The following REXO4 variants were observed in gnomAD, a reference collection of about 807,000 sequenced individuals.
REXO4 encodes RNA exonuclease 4, also known as REX4 homolog, 3'-5' exonuclease.
A neutral mutation model predicts 39.9 loss-of-function variants in REXO4; 29 were observed. That is an observed-to-expected ratio of 0.73 (90% CI 0.54 to 0.99). REXO4 has a LOEUF of 0.99. Among genes scored for constraint, REXO4 ranks in the 50% least tolerant of loss-of-function variants. The pLI is 0.00. For missense variants in REXO4, 524 were observed against 546.5 expected (o/e 0.96, Z 0.41); for synonymous variants, 184 against 206.2 (o/e 0.89, Z 0.92).
chr9:133,407,192 ACC>A, intron 7 of REXO4, 120 bp from the exon 8 acceptor site: 2 of 1,493,178 alleles, frequency 1.3e-6, no homozygotes, highest in Non-Finnish European at 1.8e-6. Flanking sequence ...TGAGACATGG[ACC>A]TGGCCACGAG....
At chr9:133,415,779 G>A (rs1044512654) in intron 1 of REXO4, 1 of 152,218 alleles carries the variant, frequency 6.6e-6, no homozygotes, top group Non-Finnish European at 1.5e-5. Flanking sequence ...TTTCTTTCTT[G>A]GGAGAAGGAA....
intron 7 of REXO4, 119 bp downstream of exon 7, chr9:133,407,688 C>G: frequency 1.5e-6 from 1 of 665,394 alleles, no homozygotes; most frequent in Non-Finnish European, 2.5e-6. Context: ...CCAATAGCCT[C>G]GTAGGATAAG....
In REXO4 at chr9:133,406,687, C is replaced by T. The variant is rs1838893638; in HGVS notation, c.*266G>A. On this transcript the variant is annotated 3_prime_UTR_variant, in exon 8 of 8. Coordinates refer to ENST00000371942, the MANE Select transcript of REXO4 (RefSeq NM_020385.4). ...TCACCTGGCCCAGGGGGTCAGCAGT[C>T]GGTAAAGCGTGGCCAGGCGTGCCCA... 2 of 494,826 alleles carry T rather than the reference C, an allele frequency of 4.0e-6. No homozygotes were observed. Among genetic ancestry groups the T allele is most frequent in the Non-Finnish European group, 3.7e-6 (1 of 272,416 alleles). 30.7% of individuals were successfully genotyped at this position (494,826 alleles called of 1,614,324 possible).
chr9:133,408,934 TTGTGTGTGTGTGTGTGTGTG>T (rs71503345), intron 5 of REXO4, 92 bp from the exon 6 acceptor site: 89 of 321,980 alleles, frequency 2.8e-4, no homozygotes, highest in Middle Eastern at 7.5e-4. Context: ...AGTAACATCT[TTGTGTGTGTGTGTGTGTGTG>T]TGTGTGTGTG....
chr9:133,417,700 G>C lies in REXO4; in HGVS notation c.145C>G (p.Pro49Ala), dbSNP rs1752317585. ...KSKAREVSKK[P>A]ASGPGAVVRP... ...ACCACAGCACCGGGGCCGCTTGCTG[G>C]CTTCTTGCTTACTTCCCGCGCCTTG... The change falls in exon 1 of 8, where the codon CCA (proline) becomes GCA (alanine). Residue 49 changes from proline (P) to alanine (A), a missense_variant. Pro to Ala is a conservative substitution (Grantham distance 27). Transcript: ENST00000371942. The C allele has an allele frequency of 6.2e-7, 1 of 1,614,118 alleles. No homozygotes were observed. Among genetic ancestry groups the C allele is most frequent in the Admixed American group, 1.7e-5 (1 of 60,022 alleles).
chr9:133,412,400 TG>T lies in REXO4; in HGVS notation c.808del (p.Gln270SerfsTer17). The T allele has an allele frequency of 6.2e-7, 1 of 1,614,148 alleles. No individual in the cohort carries two copies. On this transcript the variant is annotated frameshift_variant, in exon 4 of 8. Transcript: ENST00000371942. LOFTEE classifies it high-confidence loss of function. Reference sequence around the variant, plus strand: ...CTTGTCATAAACGCACTTCCCATACTGGTTCACGATGGACACACGGGCGGCC... The same window carrying T: ...CTTGTCATAAACGCACTTCCCATACTGTTCACGATGGACACACGGGCGGCC... The part of the protein sequence containing the change: ...SMAARVSIVN[Q>X]YGKCVYDKYV...
intron 1 of REXO4, among the ~76,000 whole-genome samples, chr9:133,417,114 G>C (rs1232771605): frequency 6.6e-6 from 1 of 152,228 alleles, no homozygotes; most frequent in African/African-American, 2.4e-5. Flanking sequence ...GGGTTCAAGC[G>C]ATTCTTCTGC....
intron 1 of REXO4, among the ~76,000 whole-genome samples, chr9:133,416,766 T>C (rs28478009): frequency 0.11 from 16,830 of 152,302 alleles, 1,007 homozygotes; most frequent in Non-Finnish European, 0.13. Flanking sequence ...TATTTAAACT[T>C]TTCCAGCCTA....
rs148117957 is a variant in REXO4, at chr9:133,417,807, G to C, written c.38C>G (p.Pro13Arg). The change falls in exon 1 of 8, where the codon CCG (proline) becomes CGG (arginine). Residue 13 changes from proline to arginine, a missense_variant. Coordinates refer to ENST00000371942, the MANE Select transcript of REXO4 (RefSeq NM_020385.4). ...KAKVPASKRA[P>R]SSPVAKPGPV... ...ACCCGGCTTAGCCACGGGGCTGCTC[G>C]GGGCGCGCTTGGAGGCGGGGACCTT... 3.5e-5 allele frequency: 56 copies of C among 1,606,570 alleles called. No individual in the cohort carries two copies. In the African/African-American group the frequency reaches 6.8e-4, roughly 20 times the overall value.
Position 133,406,856 on chromosome 9 carries a change from T to A in REXO4, c.*97A>T. 6.4e-7 allele frequency: 1 copy of A among 1,559,642 alleles called. No individual in the cohort carries two copies. The stretch of plus-strand genomic sequence containing the variant: ...CCCCTCTGCCATGATTCTGAAAAGG[T>A]TTCACCAGAGTTGCCACTCTGGGGA... On this transcript the variant is annotated 3_prime_UTR_variant, in exon 8 of 8. Coordinates refer to ENST00000371942, the MANE Select transcript of REXO4 (RefSeq NM_020385.4).
chr9:133,414,749 G>A lies in REXO4; in HGVS notation c.488C>T (p.Thr163Ile). Reference protein sequence around the residue: ...EHNKKGTKERTNGDIVPERGD... With the variant: ...EHNKKGTKERINGDIVPERGD... ...TCGTTCTGGAACAATATCACCATTT[G>A]TCCTTTCCTTGGTTCCTTTCTTATT... The change falls in exon 2 of 8, where the codon ACA (threonine) becomes ATA (isoleucine). Residue 163 changes from threonine to isoleucine, a missense_variant. Transcript: ENST00000371942. 6.2e-7 allele frequency: 1 copy of A among 1,614,170 alleles called. No homozygotes were observed. The highest frequency in any genetic ancestry group is 8.5e-7 in the Non-Finnish European group (1 of 1,180,040).
Position 133,411,017 on chromosome 9 carries a change from G to A in REXO4, c.967C>T (p.Leu323=), listed in dbSNP as rs368023804. 10 of 1,614,132 alleles carry A rather than the reference G, an allele frequency of 6.2e-6. No homozygotes were observed. The highest frequency in any genetic ancestry group is 8.5e-6 in the Non-Finnish European group (10 of 1,179,986). ...TCATTATGCAGAGCGTGCCCCACTA[G>A]AATTCTGCCCTTCAGCATCTCTGCC... ...EVAEMLKGRI[L]VGHALHNDLK... The change falls in exon 5 of 8, where the codon CTA becomes TTA. Residue 323 remains leucine (L), a synonymous_variant. Coordinates refer to ENST00000371942, the MANE Select transcript of REXO4 (RefSeq NM_020385.4).
chr9:133,412,738 A>T (rs782018924), intron 3 of REXO4, 40 bp downstream of exon 3: 32 of 1,601,180 alleles, frequency 2.0e-5, no homozygotes, highest in Non-Finnish European at 2.6e-5. Flanking sequence ...CTCCACGGCT[A>T]AGCATCCCCA....
chr9:133,407,825 C>T lies in REXO4; in HGVS notation c.1131G>A (p.Gln377=). 1 of 1,613,982 alleles carries T rather than the reference C, an allele frequency of 6.2e-7. No individual in the cohort carries two copies. The highest frequency in any genetic ancestry group is 8.5e-7 in the Non-Finnish European group (1 of 1,179,972). ...CACTTACTGAACAGTGCTCCGCCTG[C>T]TGGACCTGGAGCCCAAGGATCTTCT... ...LSEKILGLQV[Q]QAEHCSIQDA... is the part of the protein sequence containing the mutation. Residue 377 remains glutamine (Q), a synonymous_variant, in exon 7 of 8, where the codon CAG becomes CAA. Transcript: ENST00000371942.
Position 133,417,938 on chromosome 9 carries a change from G to A in REXO4, c.-94C>T, listed in dbSNP as rs1839774847. 4.1e-6 allele frequency: 5 copies of A among 1,219,188 alleles called. No individual in the cohort carries two copies. In the Admixed American group the frequency reaches 8.0e-5, roughly 19 times the overall value. 75.5% of individuals were successfully genotyped at this position (1,219,188 alleles called of 1,614,324 possible). On this transcript the variant is annotated 5_prime_UTR_variant, in exon 1 of 8. Coordinates refer to ENST00000371942, the MANE Select transcript of REXO4 (RefSeq NM_020385.4). The stretch of plus-strand genomic sequence containing the variant: ...GCAGCACAAGCGCCTGCCCAGGCCA[G>A]GCCGAAACACACCCACCGCAGGGAC...
At chr9:133,412,246 A>ACC in intron 4 of REXO4, 53 bp downstream of exon 4, 1 of 1,570,816 alleles carries the variant, frequency 6.4e-7, no homozygotes, top group Non-Finnish European at 8.7e-7. Flanking sequence ...AAGGGAGAAA[A>ACC]CGAATCCAGT....
intron 6 of REXO4, 145 bp downstream of exon 6, chr9:133,408,623 A>G: frequency 1.6e-6 from 1 of 635,542 alleles, no homozygotes; most frequent in East Asian, 2.8e-5. Flanking sequence ...GCAGAACTCT[A>G]TTTTTAAACA....
Position 133,406,876 on chromosome 9 carries a change from T to C in REXO4, c.*77A>G. On this transcript the variant is annotated 3_prime_UTR_variant, in exon 8 of 8. Transcript: ENST00000371942. ...AAAGGTTTCACCAGAGTTGCCACTC[T>C]GGGGAGATGTGATCTGTCCCTGTGA... 6.3e-7 allele frequency: 1 copy of C among 1,590,310 alleles called. No homozygotes were observed. Among genetic ancestry groups the C allele is most frequent in the Non-Finnish European group, 8.5e-7 (1 of 1,172,244 alleles).
chr9:133,410,663 C>G (rs1193786138), intron 5 of REXO4, among the ~76,000 whole-genome samples: 1 of 152,204 alleles, frequency 6.6e-6, no homozygotes, highest in Non-Finnish European at 1.5e-5. Flanking sequence ...GTGGAGGGAC[C>G]CTGGTCACGG....
Sources: allele counts gnomAD v4.1 joint callset (sites outside exome capture counted in the v4.1 genomes callset), GRCh38; gene constraint gnomAD v4.1.1; transcripts MANE v1.5; gene names NCBI Gene and HGNC (gene_info 2026-07-23, HGNC 2026-07-21).